Variants in RNF144A observed in about 807,000 individuals in gnomAD.
RNF144A encodes the protein E3 ubiquitin-protein ligase RNF144A.
Under a neutral mutation model 38.7 loss-of-function variants are expected in RNF144A, and 11 were observed. The ratio of observed to expected loss-of-function variants is 0.28; its 90% CI spans 0.18 to 0.47. The LOEUF is 0.47. Ranked by LOEUF, RNF144A falls within the 20% of genes least tolerant of loss-of-function variation. The pLI is 0.99. For synonymous variants in RNF144A, 149 were observed against 143.9 expected (o/e 1.04, Z -0.25); for missense variants, 316 against 377.2 (o/e 0.84, Z 1.34).
intron 1 of RNF144A, among the ~76,000 whole-genome samples, chr2:6,926,426 G>T (rs1319375447): frequency 6.6e-6 from 1 of 152,242 alleles, no homozygotes; most frequent in East Asian, 1.9e-4. Context: ...ACTGCCCCGT[G>T]CAGGGGTTGG....
At chr2:7,039,604 C>A in intron 8 of RNF144A, 25 bp from the exon 9 acceptor site, 1 of 1,613,400 alleles carries the variant, frequency 6.2e-7, no homozygotes, top group Non-Finnish European at 8.5e-7. Flanking sequence ...CTCCTTACCT[C>A]TACCCCTTTG....
intron 3 of RNF144A, among the ~76,000 whole-genome samples, chr2:6,997,298 T>C (rs1206125808): frequency 6.6e-6 from 1 of 152,238 alleles, no homozygotes; most frequent in Non-Finnish European, 1.5e-5. Flanking sequence ...AACAGAATTT[T>C]AGAAGCTCGT....
chr2:6,946,988 A>T (rs1415333280), intron 2 of RNF144A, among the ~76,000 whole-genome samples: 1 of 152,100 alleles, frequency 6.6e-6, no homozygotes, highest in Non-Finnish European at 1.5e-5. Context: ...TTTTATTACT[A>T]TGTGATTTTT....
chr2:7,031,474 C>T (rs367107), intron 8 of RNF144A, among the ~76,000 whole-genome samples: 66,230 of 152,084 alleles, frequency 0.44, 15,374 homozygotes, highest in South Asian at 0.76. Context: ...CTTTTAGGGC[C>T]TGGCAGTCCA....
intron 2 of RNF144A, among the ~76,000 whole-genome samples, chr2:6,967,871 A>T (rs1667770978): frequency 6.6e-6 from 1 of 152,224 alleles, no homozygotes. Flanking sequence ...TATCAAATGA[A>T]TTAAAAGTTC....
At chr2:7,034,365 C>T (rs9917219) in intron 8 of RNF144A, among the ~76,000 whole-genome samples, 19,465 of 152,126 alleles carry the variant, frequency 0.13, 1,989 homozygotes, top group East Asian at 0.55. Context: ...CTGTAGCAAG[C>T]GACAGCGTGC....
downstream of RNF144A, among the ~76,000 whole-genome samples, chr2:7,045,936 G>T (rs1038469592): frequency 6.6e-6 from 1 of 152,148 alleles, no homozygotes; most frequent in East Asian, 1.9e-4. Flanking sequence ...AACAATGATG[G>T]TTAAGCAAAA....
At chr2:7,039,427 AT>A (rs1443868139) in intron 8 of RNF144A, among the ~76,000 whole-genome samples, 1 of 151,606 alleles carries the variant, frequency 6.6e-6, no homozygotes, top group East Asian at 2.0e-4. Flanking sequence ...GGGTAGGTGG[AT>A]GGATGGATAG....
Position 7,040,635 on chromosome 2 carries a change from G to C in RNF144A, c.*875G>C. 4 of 985,386 alleles carry C rather than the reference G, an allele frequency of 4.1e-6. No individual in the cohort carries two copies. The highest frequency in any genetic ancestry group is 3.6e-6 in the Non-Finnish European group (3 of 829,940). 61.0% of individuals were successfully genotyped at this position (985,386 alleles called of 1,614,324 possible). A position where few individuals can be genotyped will look rare whatever the true frequency, so the allele number is the denominator to read the frequency against. ...TGTATTCAATCCCACTGCTTTGCTC[G>C]GCAATGGTTCTCCTCCGAATTGCTG... is the stretch of plus-strand genomic sequence containing the variant. On this transcript the variant is annotated 3_prime_UTR_variant, in exon 9 of 9. Transcript: ENST00000320892.
chr2:7,016,911 C>G (rs987699804), intron 5 of RNF144A, among the ~76,000 whole-genome samples: 1 of 152,182 alleles, frequency 6.6e-6, no homozygotes, highest in Non-Finnish European at 1.5e-5. Context: ...TAGAATGTCT[C>G]CTCTGATATA....
At chr2:6,945,212 G>A (rs1406254889) in intron 2 of RNF144A, among the ~76,000 whole-genome samples, 1 of 152,230 alleles carries the variant, frequency 6.6e-6, no homozygotes, top group Non-Finnish European at 1.5e-5. Flanking sequence ...AACTAGAAGC[G>A]AAAAGACCGA....
chr2:7,055,132 C>T (rs752761672), intron 6 of RNF144A, among the ~76,000 whole-genome samples: 13 of 152,138 alleles, frequency 8.5e-5, no homozygotes, highest in Non-Finnish European at 1.8e-4. Flanking sequence ...TCCTTCCCAC[C>T]TTTCTGGCAA....
At chr2:6,997,949 C>T (rs976646225) in intron 3 of RNF144A, among the ~76,000 whole-genome samples, 1 of 152,002 alleles carries the variant, frequency 6.6e-6, no homozygotes, top group African/African-American at 2.4e-5. Flanking sequence ...ATTCTCACCA[C>T]ACACACACAA....
chr2:6,992,178 A>G (rs1005093608), intron 2 of RNF144A, among the ~76,000 whole-genome samples: 1 of 152,220 alleles, frequency 6.6e-6, no homozygotes, highest in African/African-American at 2.4e-5. Context: ...GTTGAGTGGA[A>G]TGATACTGAC....
intron 8 of RNF144A, among the ~76,000 whole-genome samples, chr2:7,035,145 C>T (rs1167104123): frequency 6.6e-6 from 1 of 152,168 alleles, no homozygotes; most frequent in Non-Finnish European, 1.5e-5. Context: ...CTGCCTTCTC[C>T]ACTCCTGTGT....
At chr2:7,067,265 C>T (rs1050403128) in intron 6 of RNF144A, among the ~76,000 whole-genome samples, 1 of 152,190 alleles carries the variant, frequency 6.6e-6, no homozygotes. Context: ...CCAATTTTCT[C>T]CAACCCTTCT....
intron 2 of RNF144A, among the ~76,000 whole-genome samples, chr2:6,971,643 G>A (rs1668004490): frequency 1.3e-5 from 2 of 152,134 alleles, no homozygotes; most frequent in African/African-American, 4.8e-5. Context: ...ACGTGTATGG[G>A]GAGCGGCAGC....
chr2:6,953,199 G>A (rs1470840349), intron 2 of RNF144A, among the ~76,000 whole-genome samples: 1 of 152,138 alleles, frequency 6.6e-6, no homozygotes, highest in African/African-American at 2.4e-5. Flanking sequence ...GGCTGAAGCC[G>A]GTGGATCACC....
intron 1 of RNF144A, among the ~76,000 whole-genome samples, chr2:6,937,345 G>A (rs996091341): frequency 6.6e-6 from 1 of 152,232 alleles, no homozygotes; most frequent in African/African-American, 2.4e-5. Context: ...GGGGACAGGA[G>A]GCTTTGCAAC....
Sources: gnomAD v4.1 joint callset for allele counts (sites outside exome capture counted in the v4.1 genomes callset) on GRCh38, gnomAD v4.1.1 for gene constraint, MANE v1.5 for transcripts, NCBI Gene and HGNC (gene_info 2026-07-23, HGNC 2026-07-21) for gene names.